The following HERC2 variants were observed in gnomAD, a reference collection of about 807,000 sequenced individuals.
The protein encoded by HERC2 is HECT and RLD domain containing E3 ubiquitin protein ligase 2, also known as E3 ubiquitin-protein ligase HERC2.
A neutral mutation model predicts 537.7 loss-of-function variants in HERC2; 102 were observed. That is an observed-to-expected ratio of 0.19 (90% confidence interval 0.16 to 0.22). The LOEUF is 0.22. HERC2 is among the 10% of genes least tolerant of loss of function. HERC2 has a pLI of 1.00. For synonymous variants in HERC2, 2,224 were observed against 2,466.2 expected (o/e 0.90, Z 2.91); for missense variants, 4,236 against 6,198.2 (o/e 0.68, Z 10.63).
chr15:28,160,958 A>G (rs1025614626), intron 69 of HERC2, among the ~76,000 whole-genome samples: 3 of 152,240 alleles, frequency 2.0e-5, no homozygotes, highest in African/African-American at 7.2e-5. Context: ...ATGAAAAATA[A>G]TAATAGTGCT....
intron 66 of HERC2, 62 bp downstream of exon 66, chr15:28,169,422 A>C: frequency 1.5e-6 from 2 of 1,291,706 alleles, no homozygotes; most frequent in Non-Finnish European, 2.2e-6. Flanking sequence ...AAAAGAAAAA[A>C]AATCACAAAA....
At chr15:28,194,128 C>T (rs1311569739) in intron 52 of HERC2, among the ~76,000 whole-genome samples, 29 of 150,000 alleles carry the variant, frequency 1.9e-4, no homozygotes, top group African/African-American at 4.6e-4. Flanking sequence ...TGCAGTGGCA[C>T]GATCTCGGCT....
rs1205114153 is a variant in HERC2, at chr15:28,122,880, C to T, written c.13188+1157G>A. On this transcript the variant is annotated intron_variant, in intron 85 of 92. Coordinates refer to ENST00000261609, the MANE Select transcript of HERC2 (RefSeq NM_004667.6). This position sits in a 1 kb window ranked among gnomAD's most constrained non-coding sequence, Gnocchi z 4.1. The stretch of plus-strand genomic sequence containing the variant: ...TGCCCCGCTCACAGCCTGCACAACG[C>T]TCACACAGGGCCAGGTGGGACGTGC... 1.3e-5 allele frequency among the ~76,000 whole-genome samples: 2 copies of T among 152,168 alleles called. No homozygotes were observed. Among genetic ancestry groups the T allele is most frequent in the African/African-American group, 4.8e-5 (2 of 41,440 alleles).
At chr15:28,271,337 C>T (rs1400917606) in intron 9 of HERC2, among the ~76,000 whole-genome samples, 3 of 152,198 alleles carry the variant, frequency 2.0e-5, no homozygotes, top group Non-Finnish European at 4.4e-5. Flanking sequence ...CTTCTAAAGG[C>T]AGAAGAGCCC....
chr15:28,136,666 C>G (rs73379651), intron 78 of HERC2, among the ~76,000 whole-genome samples: 11,565 of 152,290 alleles, frequency 0.076, 1,515 homozygotes, highest in African/African-American at 0.27. Flanking sequence ...CCCATCATTT[C>G]TTTCTGTAAA....
At chr15:28,249,934 C>T (rs375713638) in intron 20 of HERC2, among the ~76,000 whole-genome samples, 2 of 151,778 alleles carry the variant, frequency 1.3e-5, no homozygotes, top group Non-Finnish European at 2.9e-5. Context: ...GGATTACAGG[C>T]GTGAGCCACC....
rs560950647 is a variant in HERC2 at position 28,174,882 on chromosome 15, C to A, written c.9832-262G>T. On this transcript the variant is annotated intron_variant, in intron 64 of 92. Transcript: ENST00000261609. ...ATATTAATCCAATTCTGCTTTGTTG[C>A]AAGACACACAGAAGGTCCTCTCTCT... Among the ~76,000 whole-genome samples the A allele has an allele frequency of 9.2e-5, 14 of 152,090 alleles. No individual in the cohort carries two copies. The South Asian group carries it at 2.7e-3, about 29-fold the overall frequency.
At chr15:28,116,496 C>T (rs1888269525) in intron 88 of HERC2, among the ~76,000 whole-genome samples, 169 bp downstream of exon 88, 1 of 152,082 alleles carries the variant, frequency 6.6e-6, no homozygotes, top group African/African-American at 2.4e-5. Flanking sequence ...GGGTTATAGG[C>T]GTGAGCCACC....
At chr15:28,297,021 A>G (rs1264762417) in intron 3 of HERC2, among the ~76,000 whole-genome samples, 5 of 152,260 alleles carry the variant, frequency 3.3e-5, no homozygotes, top group Non-Finnish European at 5.9e-5. Flanking sequence ...CGCACGAAAG[A>G]TAAAAATGAA....
At chr15:28,219,775 G>A (rs562254369) in intron 37 of HERC2, among the ~76,000 whole-genome samples, 11 of 152,294 alleles carry the variant, frequency 7.2e-5, no homozygotes, top group Admixed American at 3.3e-4. Flanking sequence ...CGGTGCTTCC[G>A]GAGGCAGCCC....
At chr15:28,282,622 G>T (rs767927461) in intron 4 of HERC2, among the ~76,000 whole-genome samples, 3 of 152,184 alleles carry the variant, frequency 2.0e-5, no homozygotes, top group Admixed American at 2.0e-4. Flanking sequence ...TATCCAATGT[G>T]AATAACACAG....
intron 57 of HERC2, 81 bp downstream of exon 57, chr15:28,182,320 G>C (rs1387908923): frequency 3.5e-6 from 3 of 856,668 alleles, no homozygotes; most frequent in Non-Finnish European, 5.9e-6. Context: ...CATATAGAGA[G>C]TAAAGTTATT....
chr15:28,254,056 G>A (rs147841039), intron 20 of HERC2, among the ~76,000 whole-genome samples: 38 of 152,174 alleles, frequency 2.5e-4, no homozygotes, highest in African/African-American at 8.9e-4. Flanking sequence ...GGCCAAGGCG[G>A]GCGGATCACC....
At chr15:28,321,526 G>T in intron 1 of HERC2, 62 bp from the exon 2 acceptor site, 2 of 817,004 alleles carry the variant, frequency 2.4e-6, no homozygotes, top group South Asian at 1.7e-5. Flanking sequence ...AGACACTCCC[G>T]AAAGCCAGAA....
At chr15:28,234,989 T>C (rs1567051113) in intron 26 of HERC2, among the ~76,000 whole-genome samples, 1 of 151,932 alleles carries the variant, frequency 6.6e-6, no homozygotes, top group Non-Finnish European at 1.5e-5. Flanking sequence ...AGGAGACCTG[T>C]GCGTGGTGCA....
At chr15:28,250,639 G>A (rs2075045095) in intron 20 of HERC2, among the ~76,000 whole-genome samples, 1 of 152,136 alleles carries the variant, frequency 6.6e-6, no homozygotes, top group Middle Eastern at 3.2e-3. Flanking sequence ...TTGGCAAGCA[G>A]CGATTTCTCC....
At chr15:28,299,339 T>C (rs558603998) in intron 3 of HERC2, 63 bp downstream of exon 3, 1 of 635,816 alleles carries the variant, frequency 1.6e-6, no homozygotes, top group Non-Finnish European at 2.8e-6. Context: ...ATTACAAAAT[T>C]TCTATAAAAT....
At chr15:28,167,402 A>G (rs1210333943) in intron 68 of HERC2, among the ~76,000 whole-genome samples, 1 of 152,194 alleles carries the variant, frequency 6.6e-6, no homozygotes, top group Non-Finnish European at 1.5e-5. Context: ...ACCTTTAAGG[A>G]TACTATTGGG....
chr15:28,141,545 T>G lies in HERC2; in HGVS notation c.11902A>C (p.Ile3968Leu). The change falls in exon 78 of 93, where the codon ATT becomes CTT. Residue 3968 changes from isoleucine (I) to leucine (L), a missense_variant. By Grantham distance (5) the Ile-to-Leu change is conservative (BLOSUM62 2). Around this residue, in one of 27 missense-constraint regions of HERC2, gnomAD observed 156 missense variants for 172.3 expected, o/e 0.91. Transcript: ENST00000261609. ...GHNHRGQLGGIEGAKVKVPTP... is the reference protein window; with the variant it reads ...GHNHRGQLGGLEGAKVKVPTP... ...GGAACTTTGACTTTTGCGCCTTCAA[T>G]GCCCCCGAGCTGGCCCCTGTGATTA... 5 of 1,614,154 alleles carry G rather than the reference T, an allele frequency of 3.1e-6. No individual in the cohort carries two copies. The highest frequency in any genetic ancestry group is 4.2e-6 in the Non-Finnish European group (5 of 1,180,028).
Sources: gnomAD v4.1 joint callset for allele counts (sites outside exome capture counted in the v4.1 genomes callset) on GRCh38, gnomAD v4.1.1 for gene constraint, gnomAD v4.1.1 regional missense constraint, Gnocchi (gnomAD v3.1) non-coding constraint, MANE v1.5 for transcripts, NCBI Gene and HGNC (gene_info 2026-07-23, HGNC 2026-07-21) for gene names.